Variants in TMEM65 observed in about 807,000 individuals in gnomAD.
The protein encoded by TMEM65 is transmembrane protein 65.
TMEM65 carries 22 observed loss-of-function variants against 25.4 expected under a neutral mutation model. That is an observed-to-expected ratio of 0.86 (90% CI 0.62 to 1.23). TMEM65 has a LOEUF of 1.23. Ranked by LOEUF, TMEM65 falls within the 50% of genes most tolerant of loss-of-function variation. The pLI is 0.00. For missense variants in TMEM65, 262 were observed against 308.2 expected, an observed-to-expected ratio of 0.85 and a Z score of 1.12; for synonymous variants, 132 against 126.2, an observed-to-expected ratio of 1.05 and a Z score of -0.31.
At chr8:124,370,422 A>G (rs963514096) in intron 1 of TMEM65, among the ~76,000 whole-genome samples, 1 of 152,232 alleles carries the variant, frequency 6.6e-6, no homozygotes, top group Admixed American at 6.5e-5. Flanking sequence ...TCCAAGGAGC[A>G]TATTTTCAGA....
At chr8:124,370,023 C>T (rs949120411) in intron 1 of TMEM65, among the ~76,000 whole-genome samples, 1 of 152,168 alleles carries the variant, frequency 6.6e-6, no homozygotes. Context: ...TTACTAATTT[C>T]TCTCTCATAT....
In TMEM65 at chr8:124,309,582, C is replaced by T. The variant is rs1814131327; in HGVS notation, c.*4378G>A. 1 of 152,208 alleles carries T rather than the reference C, an allele frequency of 6.6e-6. No individual in the cohort carries two copies. The highest frequency in any genetic ancestry group is 1.5e-5 in the Non-Finnish European group (1 of 68,028). 9.4% of individuals were successfully genotyped at this position (152,208 alleles called of 1,614,324 possible). On this transcript the variant is annotated 3_prime_UTR_variant, in exon 7 of 7. Coordinates refer to ENST00000297632, the MANE Select transcript of TMEM65 (RefSeq NM_194291.3). ...CTGAGATTTTCTTAACACCAACTTT[C>T]TAGTACCTAGCATGATACTTTCTCT...
rs139040793 is a variant in TMEM65 at position 124,336,335 on chromosome 8, C to T, written c.305-5543G>A. On this transcript the variant is annotated intron_variant, in intron 1 of 6. Coordinates refer to ENST00000297632, the MANE Select transcript of TMEM65 (RefSeq NM_194291.3). ...GGCAAAAATATCACTAAGATATAAA[C>T]TTGAACACTACCAACTATGTTGATC... is the stretch of plus-strand genomic sequence containing the variant. Among the ~76,000 whole-genome samples, 742 of 152,086 alleles carry T rather than the reference C, an allele frequency of 4.9e-3. 8 individuals are homozygous for T. Among genetic ancestry groups the T allele is most frequent in the African/African-American group, 0.017 (703 of 41,548 alleles).
At chr8:124,347,538 C>T (rs936305669) in intron 1 of TMEM65, among the ~76,000 whole-genome samples, 1 of 152,162 alleles carries the variant, frequency 6.6e-6, no homozygotes, top group African/African-American at 2.4e-5. Flanking sequence ...CATCACTATA[C>T]AATTCATCCA....
In TMEM65 at chr8:124,345,793, G is replaced by C. The variant is rs145860636; in HGVS notation, c.305-15001C>G. Among the ~76,000 whole-genome samples, 1,121 of 151,990 alleles carry C rather than the reference G, an allele frequency of 7.4e-3. 10 individuals carry two copies. Among genetic ancestry groups the C allele is most frequent in the African/African-American group, 0.026 (1,058 of 41,464 alleles). On this transcript the variant is annotated intron_variant, in intron 1 of 6. Coordinates refer to ENST00000297632, the MANE Select transcript of TMEM65 (RefSeq NM_194291.3). Reference sequence around the variant, plus strand: ...GAGTCTCGTTCTGTCACCCAGGCTGGAGTGCAATGGTGCAATCTCGGCTCA... The same window carrying C: ...GAGTCTCGTTCTGTCACCCAGGCTGCAGTGCAATGGTGCAATCTCGGCTCA...
At chr8:124,330,598 T>C (rs1814419866) in intron 2 of TMEM65, 150 bp downstream of exon 2, 2 of 602,720 alleles carry the variant, frequency 3.3e-6, no homozygotes, top group Non-Finnish European at 5.4e-6. Flanking sequence ...GCCAAGTTTA[T>C]AAACTTTGTG....
At chr8:124,350,543 C>G (rs932183855) in intron 1 of TMEM65, among the ~76,000 whole-genome samples, 1 of 151,602 alleles carries the variant, frequency 6.6e-6, no homozygotes, top group African/African-American at 2.4e-5. Context: ...AGTTAGATAT[C>G]AAGCTGAATG....
At chr8:124,362,942 G>C (rs921952391) in intron 1 of TMEM65, among the ~76,000 whole-genome samples, 2 of 152,158 alleles carry the variant, frequency 1.3e-5, no homozygotes, top group Non-Finnish European at 2.9e-5. Context: ...ATTTCTGATT[G>C]TGTGGAAAAT....
At chr8:124,317,314 C>T (rs376567775) in intron 6 of TMEM65, among the ~76,000 whole-genome samples, 29 of 152,038 alleles carry the variant, frequency 1.9e-4, no homozygotes, top group East Asian at 1.7e-3. Context: ...ATAGAAATTG[C>T]TCAGAAATGA....
In TMEM65 at chr8:124,372,141, G is replaced by C. The variant is rs17855651; in HGVS notation, c.17C>G (p.Pro6Arg). ...GCGCGCGGTCCGGCTCCTCAGCAGC[G>C]GCAGCAGCCGGGACATGGCGAGCTG... MSRLL[P>R]LLRSRTARSL... is the part of the protein sequence containing the mutation. The change falls in exon 1 of 7, where the codon CCG becomes CGG. Residue 6 changes from proline (P) to arginine (R), a missense_variant. Physicochemically the swap from Pro to Arg is moderately radical, Grantham distance 103. Transcript: ENST00000297632. 6 of 1,210,318 alleles carry C rather than the reference G, an allele frequency of 5.0e-6. No individual in the cohort carries two copies. Among genetic ancestry groups the C allele is most frequent in the Non-Finnish European group, 6.2e-6 (6 of 967,568 alleles). The allele number at this position is 1,210,318 out of a possible 1,614,324, so 75.0% of individuals were successfully genotyped here.
rs1814989242 is a variant in TMEM65 at position 124,369,845 on chromosome 8, T to A, written c.304+2009A>T. Among the ~76,000 whole-genome samples the A allele has an allele frequency of 2.0e-5, 3 of 152,306 alleles. No homozygotes were observed. The South Asian group carries it at 6.2e-4, about 32-fold the overall frequency. ...TACATACACTAACAAAGCAGCAGCA[T>A]CTGTGTCATTTGATTCATAGGACAA... is the stretch of plus-strand genomic sequence containing the variant. On this transcript the variant is annotated intron_variant, in intron 1 of 6. Coordinates refer to ENST00000297632, the MANE Select transcript of TMEM65 (RefSeq NM_194291.3).
intron 1 of TMEM65, among the ~76,000 whole-genome samples, chr8:124,335,511 G>T (rs2131208029): frequency 6.6e-6 from 1 of 152,216 alleles, no homozygotes; most frequent in African/African-American, 2.4e-5. Context: ...TGCAAAAATT[G>T]TAACACTGTC....
chr8:124,346,240 T>C (rs890269567), intron 1 of TMEM65, among the ~76,000 whole-genome samples: 1 of 152,046 alleles, frequency 6.6e-6, no homozygotes, highest in Non-Finnish European at 1.5e-5. Flanking sequence ...GAGAACACCA[T>C]AGGGGAAACC....
intron 1 of TMEM65, among the ~76,000 whole-genome samples, chr8:124,359,638 A>C (rs1814834536): frequency 6.6e-6 from 1 of 152,114 alleles, no homozygotes; most frequent in African/African-American, 2.4e-5. Context: ...GCTACTCAAA[A>C]GGCTGAAGCA....
At chr8:124,315,442 C>A (rs911296646) in intron 6 of TMEM65, among the ~76,000 whole-genome samples, 3 of 151,986 alleles carry the variant, frequency 2.0e-5, no homozygotes, top group Non-Finnish European at 4.4e-5. Context: ...CTGCCTCAGC[C>A]TCCTGAGTAG....
At chr8:124,371,820 GC>G (rs1462535936) in intron 1 of TMEM65, 33 bp downstream of exon 1, 10 of 1,490,410 alleles carry the variant, frequency 6.7e-6, no homozygotes, top group Admixed American at 6.6e-5. Flanking sequence ...GGGCGTCGGG[GC>G]CCCCGGGCTC....
At chr8:124,359,036 C>G (rs1397516734) in intron 1 of TMEM65, among the ~76,000 whole-genome samples, 1 of 152,178 alleles carries the variant, frequency 6.6e-6, no homozygotes, top group Non-Finnish European at 1.5e-5. Context: ...CAGTTAGAGG[C>G]CTCAGATGTC....
chr8:124,340,671 A>C (rs1225941954), intron 1 of TMEM65, among the ~76,000 whole-genome samples: 1 of 146,394 alleles, frequency 6.8e-6, no homozygotes, highest in Non-Finnish European at 1.5e-5. Context: ...CCATCTTGCT[A>C]AGCAATCCAA....
rs550652772 is a variant in TMEM65, at chr8:124,309,456, T to C, written c.*4504A>G. ...TGCAAGAAGTAAGTATTAATCTTAA[T>C]ATTTAACTGTTACTCTTTAGGCTTA... On this transcript the variant is annotated 3_prime_UTR_variant, in exon 7 of 7. Coordinates refer to ENST00000297632, the MANE Select transcript of TMEM65 (RefSeq NM_194291.3). The C allele has an allele frequency of 1.1e-4, 16 of 152,380 alleles. No homozygotes were observed. Among genetic ancestry groups the C allele is most frequent in the African/African-American group, 3.8e-4 (16 of 41,596 alleles). The allele number at this position is 152,380 out of a possible 1,614,324, so 9.4% of individuals were successfully genotyped here.
Sources: allele counts gnomAD v4.1 joint callset (sites outside exome capture counted in the v4.1 genomes callset), GRCh38; gene constraint gnomAD v4.1.1; transcripts MANE v1.5; gene names NCBI Gene and HGNC (gene_info 2026-07-23, HGNC 2026-07-21).